OPHN1: variants seen among roughly 807,000 people sequenced by gnomAD.
The protein encoded by OPHN1 is oligophrenin-1.
Under a neutral mutation model 60.7 loss-of-function variants are expected in OPHN1, and 11 were observed. That is an observed-to-expected ratio of 0.18 (90% confidence interval 0.11 to 0.30). The LOEUF (loss-of-function observed/expected upper bound fraction) is 0.30. OPHN1 is among the 10% of genes least tolerant of loss of function. The probability of loss-of-function intolerance (pLI) is 1.00; values close to 1 mark genes in which losing one functional copy is unlikely to be tolerated. For missense variants in OPHN1, 449 were observed against 611.0 expected, an observed-to-expected ratio of 0.73 and a Z score of 2.80; for synonymous variants, 226 against 222.6, an observed-to-expected ratio of 1.02 and a Z score of -0.14.
At chrX:68,147,098 G>T in intron 15 of OPHN1, among the ~76,000 whole-genome samples, 1 of 111,716 alleles carries the variant, frequency 9.0e-6, no homozygotes, top group Middle Eastern at 4.6e-3. Context: ...CACCCTCCAA[G>T]CCCATGCCTG....
intron 20 of OPHN1, 104 bp from the exon 21 acceptor site, chrX:68,064,281 T>C (rs1311414942): frequency 2.5e-6 from 2 of 788,899 alleles, no homozygotes; most frequent in Non-Finnish European, 3.8e-6. Flanking sequence ...GTATACATTT[T>C]CAAAGCAGTT....
chrX:68,110,511 C>G (rs751350539), intron 18 of OPHN1, among the ~76,000 whole-genome samples: 2 of 111,445 alleles, frequency 1.8e-5, no homozygotes, highest in East Asian at 5.7e-4. Flanking sequence ...TCAGTCTCTT[C>G]GTGTTATAGA....
chrX:68,388,679 G>A (rs2078636953), intron 2 of OPHN1, among the ~76,000 whole-genome samples: 1 of 110,645 alleles, frequency 9.0e-6, no homozygotes, highest in South Asian at 3.8e-4. Context: ...ATGATATGAT[G>A]TCTGAGAATT....
chrX:68,061,137 G>A (rs188888871), intron 21 of OPHN1, among the ~76,000 whole-genome samples: 12 of 112,309 alleles, frequency 1.1e-4, no homozygotes, highest in Non-Finnish European at 1.3e-4. Flanking sequence ...AAAAAAAGCT[G>A]CATCGTGCCA....
intron 15 of OPHN1, chrX:68,132,755 AG>A (rs2147463772): frequency 7.3e-6 from 1 of 136,137 alleles, no homozygotes; most frequent in South Asian, 3.4e-4. Flanking sequence ...AAAAAAAAAA[AG>A]AAAAAAAGAA....
intron 6 of OPHN1, among the ~76,000 whole-genome samples, chrX:68,225,803 A>G (rs1420677757): frequency 1.8e-5 from 2 of 112,075 alleles, no homozygotes; most frequent in Non-Finnish European, 3.8e-5. Flanking sequence ...AAATTCTAAA[A>G]ATCAGAGCAC....
chrX:68,132,555 CG>C (rs1368805344), intron 15 of OPHN1, among the ~76,000 whole-genome samples: 2 of 37,368 alleles, frequency 5.4e-5, no homozygotes, highest in Non-Finnish European at 9.3e-5. Flanking sequence ...GTGGTGGGGT[CG>C]GGGGAGGGGG....
rs760042091 is a variant in OPHN1, at chrX:68,098,356, G to A, written c.1527-1327C>T. On this transcript the variant is annotated intron_variant, in intron 18 of 24. Coordinates refer to ENST00000355520, the MANE Select transcript of OPHN1 (RefSeq NM_002547.3). The stretch of plus-strand genomic sequence containing the variant: ...TAAAGGAATTGAGCTCCCTAGTGCT[G>A]TTTCAAACAGTCCTGGAGGCAGCCA... 1.3e-4 allele frequency among the ~76,000 whole-genome samples: 14 copies of A among 111,802 alleles called. No homozygotes were observed. In the South Asian group the frequency reaches 4.9e-3, roughly 39 times the overall value.
rs1344760704 is a variant in OPHN1 at position 68,046,180 on chromosome X, G to A, written c.*992C>T. 8.9e-6 allele frequency: 1 copy of A among 111,909 alleles called. No homozygotes were observed. Among genetic ancestry groups the A allele is most frequent in the Non-Finnish European group, 1.9e-5 (1 of 53,202 alleles). The allele number at this position is 111,909 out of a possible 1,213,427, so 9.2% of individuals were successfully genotyped here. A position where few individuals can be genotyped will look rare whatever the true frequency, so the allele number is the denominator to read the frequency against. On this transcript the variant is annotated 3_prime_UTR_variant, in exon 25 of 25. Coordinates refer to ENST00000355520, the MANE Select transcript of OPHN1 (RefSeq NM_002547.3). ...GTGCATACCATCTCAGGGGCATCAT[G>A]GAGTTTCTGAGTCCATGGACACTGG...
chrX:68,235,683 CAA>C (rs1228217911), intron 5 of OPHN1, among the ~76,000 whole-genome samples: 8 of 76,990 alleles, frequency 1.0e-4, no homozygotes, highest in African/African-American at 2.4e-4. Flanking sequence ...ACTAAAAATA[CAA>C]AAAAAAAAAA....
chrX:68,357,396 TC>T (rs1464126945), intron 2 of OPHN1, among the ~76,000 whole-genome samples: 1 of 108,421 alleles, frequency 9.2e-6, no homozygotes, highest in Non-Finnish European at 1.9e-5. Flanking sequence ...ATGCTATCCC[TC>T]CCCCCTGCCC....
chrX:68,194,314 T>C, intron 13 of OPHN1, 151 bp downstream of exon 13: 1 of 543,420 alleles, frequency 1.8e-6, no homozygotes, highest in Non-Finnish European at 3.2e-6. Flanking sequence ...ACCAGACACA[T>C]TTAAAAAATA....
chrX:68,301,029 T>G (rs748055010), intron 2 of OPHN1, among the ~76,000 whole-genome samples: 72 of 112,102 alleles, frequency 6.4e-4, no homozygotes, highest in Non-Finnish European at 7.7e-4. Flanking sequence ...TGAAATTTTA[T>G]GAGGAGCTTT....
At position 68,053,733 on chromosome X, in the gene OPHN1, C is replaced by G; in HGVS notation, c.2236G>C (p.Asp746His). The G allele has an allele frequency of 8.3e-7, 1 of 1,211,068 alleles. No individual in the cohort carries two copies. Among genetic ancestry groups the G allele is most frequent in the Non-Finnish European group, 1.1e-6 (1 of 895,282 alleles). ...GGAGTAGCTGCCCGGCAGGGAGGAT[C>G]TGGGGGCCTCACTGGGGGGCGGATG... ...TIIRPPVRPP[D>H]PPCRAATPQK... is the part of the protein sequence containing the mutation. Residue 746 changes from aspartate to histidine, a missense_variant, in exon 22 of 25, where the codon GAT becomes CAT. Asp to His is a moderately conservative substitution (Grantham distance 81, BLOSUM62 -1). Around this residue, in one of 4 missense-constraint regions of OPHN1, gnomAD observed 184 missense variants for 160.5 expected, o/e 1.15. Transcript: ENST00000355520.
At chrX:68,224,399 T>G (rs1198687719) in intron 6 of OPHN1, among the ~76,000 whole-genome samples, 2 of 111,625 alleles carry the variant, frequency 1.8e-5, no homozygotes, top group Non-Finnish European at 3.8e-5. Context: ...GGCAAACACC[T>G]GTAATCTCAG....
intron 10 of OPHN1, among the ~76,000 whole-genome samples, chrX:68,205,918 A>G (rs189439176): frequency 9.5e-4 from 105 of 110,649 alleles, no homozygotes; most frequent in African/African-American, 3.2e-3. Context: ...CAATCTGTCT[A>G]AAGATCAGCT....
chrX:68,231,719 C>T (rs1315574617), intron 6 of OPHN1, among the ~76,000 whole-genome samples: 1 of 111,611 alleles, frequency 9.0e-6, no homozygotes, highest in Non-Finnish European at 1.9e-5. Context: ...CATATGATAC[C>T]AACTATATGA....
At chrX:68,356,946 A>G (rs2078444082) in intron 2 of OPHN1, among the ~76,000 whole-genome samples, 1 of 111,974 alleles carries the variant, frequency 8.9e-6, no homozygotes, top group African/African-American at 3.2e-5. Flanking sequence ...CTACAGACAC[A>G]GAAAGATTTG....
chrX:68,045,569 A>G lies in OPHN1; in HGVS notation c.*1603T>C, dbSNP rs1347060191. 2.7e-5 allele frequency: 3 copies of G among 111,768 alleles called. No individual in the cohort carries two copies. The allele number at this position is 111,768 out of a possible 1,213,427, so 9.2% of individuals were successfully genotyped here. A position where few individuals can be genotyped will look rare whatever the true frequency, so the allele number is the denominator to read the frequency against. ...TCACACTGGGCAACATTATAATTAT[A>G]CAGACGCTACAGACAAGCTACGGCC... On this transcript the variant is annotated 3_prime_UTR_variant, in exon 25 of 25. Transcript: ENST00000355520.
Sources: gnomAD v4.1 joint callset for allele counts (sites outside exome capture counted in the v4.1 genomes callset) on GRCh38, gnomAD v4.1.1 for gene constraint, gnomAD v4.1.1 regional missense constraint, MANE v1.5 for transcripts, NCBI Gene and HGNC (gene_info 2026-07-23, HGNC 2026-07-21) for gene names.